PALLD: variants seen among roughly 807,000 people sequenced by gnomAD.
PALLD encodes the protein palladin.
A neutral mutation model predicts 123.5 loss-of-function variants in PALLD; 61 were observed. The ratio of observed to expected loss-of-function variants is 0.49; its 90% CI spans 0.40 to 0.61. The LOEUF (loss-of-function observed/expected upper bound fraction) is 0.61. Ranked by LOEUF, PALLD falls within the 20% of genes least tolerant of loss-of-function variation. PALLD has a pLI of 0.00. For missense variants in PALLD, 1,273 were observed against 1,377.0 expected (o/e 0.92, Z 1.20); for synonymous variants, 465 against 496.4 (o/e 0.94, Z 0.84).
intron 2 of PALLD, among the ~76,000 whole-genome samples, chr4:168,518,862 A>C (rs1020088004): frequency 6.6e-6 from 1 of 152,224 alleles, no homozygotes; most frequent in East Asian, 1.9e-4. Flanking sequence ...CTCAGAGCCT[A>C]GAACAGTGTC....
intron 2 of PALLD, among the ~76,000 whole-genome samples, chr4:168,656,611 T>C (rs946838272): frequency 2.0e-5 from 3 of 152,184 alleles, no homozygotes; most frequent in Non-Finnish European, 4.4e-5. Context: ...CCGAAACAGT[T>C]ATTATTTATT....
At chr4:168,564,411 T>A (rs1280552172) in intron 2 of PALLD, among the ~76,000 whole-genome samples, 5 of 152,244 alleles carry the variant, frequency 3.3e-5, no homozygotes, top group Admixed American at 2.0e-4. Context: ...TTTCTTTGTC[T>A]ACTTAGCAAG....
At chr4:168,719,992 A>T (rs564977478) in intron 10 of PALLD, among the ~76,000 whole-genome samples, 1 of 152,296 alleles carries the variant, frequency 6.6e-6, no homozygotes, top group Non-Finnish European at 1.5e-5. Context: ...GATGGGCATT[A>T]GGTTGATTCC....
chr4:168,689,731 A>G (rs997650053), intron 6 of PALLD, among the ~76,000 whole-genome samples: 2 of 152,078 alleles, frequency 1.3e-5, no homozygotes, highest in Non-Finnish European at 2.9e-5. Flanking sequence ...TACAGATGTG[A>G]GCCACCACAC....
At chr4:168,858,106 A>T (rs1748868021) in intron 10 of PALLD, among the ~76,000 whole-genome samples, 1 of 152,216 alleles carries the variant, frequency 6.6e-6, no homozygotes, top group African/African-American at 2.4e-5. Flanking sequence ...AGATTTGAAG[A>T]AGTTTTCCTA....
At chr4:168,789,176 T>A (rs1162017102) in intron 10 of PALLD, among the ~76,000 whole-genome samples, 1 of 152,228 alleles carries the variant, frequency 6.6e-6, no homozygotes, top group Non-Finnish European at 1.5e-5. Flanking sequence ...CTCTCATTCA[T>A]GTCTTTTAGT....
intron 10 of PALLD, among the ~76,000 whole-genome samples, chr4:168,743,606 T>C (rs1788576319): frequency 2.0e-5 from 3 of 152,314 alleles, no homozygotes; most frequent in Admixed American, 2.0e-4. Flanking sequence ...TGTAAGTAGC[T>C]TAAAGTTAAA....
rs1267376235 is a variant in PALLD at position 168,811,768 on chromosome 4, T to A, written c.1965-79154T>A. Among the ~76,000 whole-genome samples, 212 of 109,916 alleles carry A rather than the reference T, an allele frequency of 1.9e-3. 1 individual carries two copies. The highest frequency in any genetic ancestry group is 6.4e-3 in the African/African-American group (200 of 31,054). 72.1% of individuals were successfully genotyped at this position (109,916 alleles called of 152,430 possible). A position where few individuals can be genotyped will look rare whatever the true frequency, so the allele number is the denominator to read the frequency against. On this transcript the variant is annotated intron_variant, in intron 10 of 21. Coordinates refer to ENST00000505667, the MANE Select transcript of PALLD (RefSeq NM_001166108.2). Reference sequence around the variant, plus strand: ...CTTTCTCTCTCTCTTTCTCTCTCTCTCTCTCTCTCACACACACACACACAC... The same window carrying A: ...CTTTCTCTCTCTCTTTCTCTCTCTCACTCTCTCTCACACACACACACACAC...
intron 2 of PALLD, among the ~76,000 whole-genome samples, chr4:168,577,238 G>T (rs1257170123): frequency 6.6e-6 from 1 of 152,074 alleles, no homozygotes. Context: ...GTGTATGAGT[G>T]GTTGAAGTAT....
chr4:168,652,992 A>G (rs975170424), intron 2 of PALLD, among the ~76,000 whole-genome samples: 6 of 152,208 alleles, frequency 3.9e-5, no homozygotes, highest in Non-Finnish European at 5.9e-5. Flanking sequence ...CATGCTTGCT[A>G]AAAGAAAAGA....
chr4:168,867,348 T>C (rs1267245862), intron 10 of PALLD, among the ~76,000 whole-genome samples: 1 of 152,094 alleles, frequency 6.6e-6, no homozygotes, highest in African/African-American at 2.4e-5. Context: ...GGAAAAGGCC[T>C]CCCCTGGTGG....
rs116731945 is a variant in PALLD, at chr4:168,782,649, A to C, written c.1964+70726A>C. Among the ~76,000 whole-genome samples, 1,222 of 152,214 alleles carry C rather than the reference A, an allele frequency of 8.0e-3. 6 individuals are homozygous for C. The highest frequency in any genetic ancestry group is 0.024 in the Middle Eastern group (7 of 294). ...TACAGGCCGGTCACGGTGGCTCATGACTGTAATCCCAGCACTTGGGAGGCC... is the reference window on the plus strand; with the variant it reads ...TACAGGCCGGTCACGGTGGCTCATGCCTGTAATCCCAGCACTTGGGAGGCC... On this transcript the variant is annotated intron_variant, in intron 10 of 21. Coordinates refer to ENST00000505667, the MANE Select transcript of PALLD (RefSeq NM_001166108.2).
intron 10 of PALLD, chr4:168,755,671 T>C (rs1731757765): frequency 6.6e-6 from 1 of 152,224 alleles, no homozygotes; most frequent in Non-Finnish European, 1.5e-5. Flanking sequence ...TGCAGCTGCA[T>C]GAAGAATAGT....
At chr4:168,761,645 G>GTTTTTTTTTGTTTTTT (rs1732875430) in intron 10 of PALLD, among the ~76,000 whole-genome samples, 1 of 88,024 alleles carries the variant, frequency 1.1e-5, no homozygotes, top group Non-Finnish European at 2.2e-5. Context: ...GTTGTTGTTT[G>GTTTTTTTTTGTTTTTT]TTTTTTTTTT....
intron 19 of PALLD, 80 bp downstream of exon 19, chr4:168,924,500 G>T: frequency 7.6e-7 from 1 of 1,320,338 alleles, no homozygotes; most frequent in Admixed American, 1.7e-5. Context: ...ATATAGCATG[G>T]AAATCTATGT....
chr4:168,910,427 C>T (rs1289646669), intron 15 of PALLD, among the ~76,000 whole-genome samples: 1 of 152,026 alleles, frequency 6.6e-6, no homozygotes, highest in Non-Finnish European at 1.5e-5. Flanking sequence ...ACATAGTCTG[C>T]CTCCTGTGCC....
chr4:168,892,485 A>G (rs1754284336), intron 11 of PALLD, among the ~76,000 whole-genome samples: 1 of 152,204 alleles, frequency 6.6e-6, no homozygotes. Flanking sequence ...TTAGTTTATT[A>G]GGGTATCTTA....
chr4:168,709,628 GAA>G (rs1561430258), intron 9 of PALLD, among the ~76,000 whole-genome samples: 3 of 224 alleles, frequency 0.013, 1 homozygote, highest in African/African-American at 0.06. Flanking sequence ...AGGAAGGAAG[GAA>G]GGAAGGAAGG....
chr4:168,879,607 T>C (rs368103697), intron 10 of PALLD, among the ~76,000 whole-genome samples: 1 of 152,252 alleles, frequency 6.6e-6, no homozygotes. Flanking sequence ...AGCATTGCTA[T>C]GTCGGGCCTC....
Sources: allele counts gnomAD v4.1 joint callset (sites outside exome capture counted in the v4.1 genomes callset), GRCh38; gene constraint gnomAD v4.1.1; transcripts MANE v1.5; gene names NCBI Gene and HGNC (gene_info 2026-07-23, HGNC 2026-07-21).